The following KIAA1217 variants were observed in gnomAD, a reference collection of about 807,000 sequenced individuals.
The protein encoded by KIAA1217 is KIAA1217, also known as sickle tail protein homolog.
In KIAA1217, 88 loss-of-function variants were observed where a neutral mutation model predicts 163.9. The ratio of observed to expected loss-of-function variants is 0.54; its 90% CI spans 0.45 to 0.64. The LOEUF (loss-of-function observed/expected upper bound fraction) is 0.64, where lower values mean the gene tolerates loss of function less well. Ranked by LOEUF, KIAA1217 falls within the 30% of genes least tolerant of loss-of-function variation. The probability of loss-of-function intolerance (pLI) is 0.00; values close to 1 mark genes in which losing one functional copy is unlikely to be tolerated. For missense variants in KIAA1217, 2,372 were observed against 2,475.0 expected, an observed-to-expected ratio of 0.96 and a Z score of 0.88; for synonymous variants, 903 against 923.1, an observed-to-expected ratio of 0.98 and a Z score of 0.39.
At chr10:24,107,991 A>C (rs2062697383) in intron 2 of KIAA1217, among the ~76,000 whole-genome samples, 1 of 152,176 alleles carries the variant, frequency 6.6e-6, no homozygotes, top group East Asian at 1.9e-4. Flanking sequence ...GGGGTTGTCC[A>C]GGTAAAGGTA....
chr10:23,846,328 G>T (rs1057406404), intron 1 of KIAA1217, among the ~76,000 whole-genome samples: 2 of 152,104 alleles, frequency 1.3e-5, no homozygotes, highest in African/African-American at 4.8e-5. Context: ...CGAGCACTAT[G>T]GCCATTTTCA....
intron 2 of KIAA1217, among the ~76,000 whole-genome samples, chr10:24,120,405 C>A (rs1050839332): frequency 5.9e-5 from 9 of 152,162 alleles, no homozygotes; most frequent in African/African-American, 1.9e-4. Flanking sequence ...CTGGTTCTTG[C>A]CATACAGAAC....
intron 2 of KIAA1217, among the ~76,000 whole-genome samples, chr10:24,008,098 C>T (rs1234820137): frequency 1.3e-5 from 2 of 151,950 alleles, no homozygotes; most frequent in East Asian, 1.9e-4. Flanking sequence ...TCATACAGCC[C>T]TCAACATTCT....
intron 3 of KIAA1217, among the ~76,000 whole-genome samples, chr10:24,410,154 G>A (rs974959845): frequency 6.6e-5 from 10 of 151,664 alleles, no homozygotes; most frequent in Admixed American, 3.9e-4. Context: ...CCGCCACCAC[G>A]CCCAGCTAAT....
Position 24,031,042 on chromosome 10 carries a change from C to T in KIAA1217, c.-171+23668C>T, listed in dbSNP as rs551896102. On this transcript the variant is annotated intron_variant, in intron 2 of 18. Coordinates refer to the KIAA1217 transcript ENST00000376462. ...CTTTCATTTTTTGGGGGGTATATCC[C>T]GACAAATGGAATTGCTGCATTTTAT... Among the ~76,000 whole-genome samples, 4 of 152,146 alleles carry T rather than the reference C, an allele frequency of 2.6e-5. No homozygotes were observed. The South Asian group carries it at 6.2e-4, about 24-fold the overall frequency.
intron 2 of KIAA1217, among the ~76,000 whole-genome samples, chr10:24,008,222 C>T (rs1328239321): frequency 2.0e-5 from 3 of 151,908 alleles, no homozygotes; most frequent in African/African-American, 7.3e-5. Context: ...TATCTTGTCT[C>T]AATACCGTCT....
intron 2 of KIAA1217, among the ~76,000 whole-genome samples, chr10:24,030,117 T>C (rs1848130133): frequency 6.6e-6 from 1 of 152,190 alleles, no homozygotes; most frequent in African/African-American, 2.4e-5. Flanking sequence ...AAAATATGAA[T>C]TCAAATAATT....
intron 1 of KIAA1217, among the ~76,000 whole-genome samples, chr10:23,932,414 TAA>T (rs34748861): frequency 2.0e-5 from 3 of 147,436 alleles, no homozygotes; most frequent in South Asian, 2.1e-4. Flanking sequence ...CTTCTAGTCT[TAA>T]AAAAAAAAAA....
intron 1 of KIAA1217, among the ~76,000 whole-genome samples, chr10:23,743,348 A>C (rs747756573): frequency 4.6e-5 from 7 of 152,184 alleles, no homozygotes; most frequent in Non-Finnish European, 8.8e-5. Flanking sequence ...TTTCTTTTGC[A>C]ATTCACCTCT....
intron 2 of KIAA1217, among the ~76,000 whole-genome samples, chr10:24,010,314 A>C (rs1194799539): frequency 6.6e-6 from 1 of 152,156 alleles, no homozygotes; most frequent in Non-Finnish European, 1.5e-5. Flanking sequence ...GAAATGCCAC[A>C]AGATCAAATG....
At chr10:24,235,388 G>A (rs1564316425) in intron 2 of KIAA1217, among the ~76,000 whole-genome samples, 1 of 152,204 alleles carries the variant, frequency 6.6e-6, no homozygotes, top group African/African-American at 2.4e-5. Context: ...CAAGGGTTTA[G>A]CATTAGAGAA....
At chr10:23,847,596 T>C (rs1410486453) in intron 1 of KIAA1217, among the ~76,000 whole-genome samples, 1 of 152,174 alleles carries the variant, frequency 6.6e-6, no homozygotes, top group African/African-American at 2.4e-5. Context: ...ATCTATTTGA[T>C]TCTTCTCTCT....
intron 1 of KIAA1217, among the ~76,000 whole-genome samples, chr10:23,875,473 GT>G (rs2131173635): frequency 6.6e-6 from 1 of 152,008 alleles, no homozygotes; most frequent in African/African-American, 2.4e-5. Context: ...GTTCTAAAAA[GT>G]TTTCCCCATG....
At chr10:24,019,441 T>G (rs1414662477) in intron 2 of KIAA1217, among the ~76,000 whole-genome samples, 1 of 151,824 alleles carries the variant, frequency 6.6e-6, no homozygotes, top group Non-Finnish European at 1.5e-5. Context: ...AAAATGCCAC[T>G]TAAAAAGACA....
At chr10:24,234,808 A>G (rs1279410189) in intron 2 of KIAA1217, among the ~76,000 whole-genome samples, 2 of 152,148 alleles carry the variant, frequency 1.3e-5, no homozygotes, top group Non-Finnish European at 2.9e-5. Context: ...CTCCATCTTA[A>G]TTTGACAGCA....
chr10:23,793,128 T>G (rs1465099120), intron 1 of KIAA1217, among the ~76,000 whole-genome samples: 1 of 152,178 alleles, frequency 6.6e-6, no homozygotes, highest in Non-Finnish European at 1.5e-5. Flanking sequence ...GATTTGTGCA[T>G]GGTTCTCTTC....
chr10:24,076,224 A>G (rs2061364351), intron 2 of KIAA1217, among the ~76,000 whole-genome samples: 1 of 152,178 alleles, frequency 6.6e-6, no homozygotes, highest in Non-Finnish European at 1.5e-5. Context: ...CCTGCTGGCT[A>G]TTCTAAAGAT....
intron 2 of KIAA1217, among the ~76,000 whole-genome samples, chr10:24,366,116 AT>A (rs2050746070): frequency 1.3e-5 from 2 of 152,218 alleles, no homozygotes; most frequent in Non-Finnish European, 2.9e-5. Flanking sequence ...TCACAAAAAA[AT>A]ATTTCACTGC....
chr10:23,973,955 C>G (rs1020029323), intron 1 of KIAA1217, among the ~76,000 whole-genome samples: 1 of 152,174 alleles, frequency 6.6e-6, no homozygotes, highest in African/African-American at 2.4e-5. Context: ...AAATAGCCCC[C>G]AAATACATGA....
Sources: gnomAD v4.1 joint callset for allele counts (sites outside exome capture counted in the v4.1 genomes callset) on GRCh38, gnomAD v4.1.1 for gene constraint, MANE v1.5 for transcripts, NCBI Gene and HGNC (gene_info 2026-07-23, HGNC 2026-07-21) for gene names.